EPB41L4A: variants seen among roughly 807,000 people sequenced by gnomAD.
The protein encoded by EPB41L4A is band 4.1-like protein 4A.
In EPB41L4A, 100 loss-of-function variants were observed where a neutral mutation model predicts 108.6. The ratio of observed to expected loss-of-function variants is 0.92; its 90% CI spans 0.78 to 1.09. EPB41L4A has a LOEUF of 1.09. EPB41L4A is among the 50% of genes least tolerant of loss of function. EPB41L4A has a pLI of 0.00. For missense variants in EPB41L4A, 1,030 were observed against 842.7 expected, an observed-to-expected ratio of 1.22 and a Z score of -2.75; for synonymous variants, 319 against 289.0, an observed-to-expected ratio of 1.10 and a Z score of -1.05.
At chr5:112,334,193 C>A (rs1267198259) in intron 1 of EPB41L4A, among the ~76,000 whole-genome samples, 1 of 152,154 alleles carries the variant, frequency 6.6e-6, no homozygotes, top group Non-Finnish European at 1.5e-5. Flanking sequence ...CAATTCCAAC[C>A]TGACTTTGGT....
At chr5:112,249,239 T>A (rs1304752659) in intron 9 of EPB41L4A, 1 of 152,212 alleles carries the variant, frequency 6.6e-6, no homozygotes, top group Non-Finnish European at 1.5e-5. Context: ...TTTGCTTTTT[T>A]CTTTCTATCC....
chr5:112,185,522 T>G (rs1005391157), intron 17 of EPB41L4A, among the ~76,000 whole-genome samples: 3 of 152,182 alleles, frequency 2.0e-5, no homozygotes, highest in Admixed American at 6.5e-5. Flanking sequence ...TAAAGAAGAA[T>G]TGTGCTAAGT....
chr5:112,154,951 T>A (rs1443634725), intron 12 of EPB41L4A, among the ~76,000 whole-genome samples: 4 of 152,150 alleles, frequency 2.6e-5, no homozygotes, highest in Non-Finnish European at 5.9e-5. Flanking sequence ...AATTTAAAAA[T>A]GTGCAGGAAA....
intron 1 of EPB41L4A, among the ~76,000 whole-genome samples, chr5:112,314,534 A>AAAAAAAAG (rs1755291445): frequency 9.0e-5 from 12 of 133,820 alleles, no homozygotes; most frequent in Admixed American, 3.0e-4. Context: ...AAAAAAAAAA[A>AAAAAAAAG]AAAAGAAAAG....
At chr5:112,302,769 A>G (rs979977988) in intron 2 of EPB41L4A, among the ~76,000 whole-genome samples, 9 of 152,144 alleles carry the variant, frequency 5.9e-5, no homozygotes, top group Non-Finnish European at 1.2e-4. Flanking sequence ...CAGTCTTTCA[A>G]TATAATTTAA....
In EPB41L4A at chr5:112,339,469, T is replaced by A. The variant is rs55910174; in HGVS notation, c.100-31979A>T. ...GGAGATATATAGCTATAGATATATA[T>A]ATATCTATATATATATATATATATA... On this transcript the variant is annotated intron_variant, in intron 1 of 22. Transcript: ENST00000261486. 2.3e-3 allele frequency among the ~76,000 whole-genome samples: 132 copies of A among 58,596 alleles called. 1 individual carries two copies. The highest frequency in any genetic ancestry group is 6.4e-3 in the African/African-American group (122 of 19,116). The allele number at this position is 58,596 out of a possible 152,430, so 38.4% of individuals were successfully genotyped here. A position where few individuals can be genotyped will look rare whatever the true frequency, so the allele number is the denominator to read the frequency against.
chr5:112,176,665 A>G (rs1385498229), intron 18 of EPB41L4A, among the ~76,000 whole-genome samples: 1 of 150,970 alleles, frequency 6.6e-6, no homozygotes, highest in Non-Finnish European at 1.5e-5. Flanking sequence ...TCTCACGTGG[A>G]CCACTGCAAA....
At chr5:112,293,747 G>A (rs1327041896) in intron 2 of EPB41L4A, among the ~76,000 whole-genome samples, 2 of 152,162 alleles carry the variant, frequency 1.3e-5, no homozygotes, top group Non-Finnish European at 2.9e-5. Context: ...AGCCGTTTGG[G>A]AGGCTCCCCT....
intron 12 of EPB41L4A, among the ~76,000 whole-genome samples, chr5:112,153,477 C>G (rs1189068918): frequency 6.7e-6 from 1 of 148,748 alleles, no homozygotes; most frequent in East Asian, 2.0e-4. Context: ...TGCAGTGAGC[C>G]AAGATAGCGC....
At chr5:112,410,219 A>G (rs1762328740) in intron 1 of EPB41L4A, among the ~76,000 whole-genome samples, 2 of 152,200 alleles carry the variant, frequency 1.3e-5, no homozygotes, top group Admixed American at 6.5e-5. Flanking sequence ...ATCTGGCTAG[A>G]GTATCAGACA....
intron 1 of EPB41L4A, among the ~76,000 whole-genome samples, chr5:112,382,675 G>A (rs779228676): frequency 1.3e-5 from 2 of 152,196 alleles, no homozygotes; most frequent in Non-Finnish European, 2.9e-5. Flanking sequence ...ACTGTCACTT[G>A]ATGTGGGAGG....
intron 22 of EPB41L4A, among the ~76,000 whole-genome samples, chr5:112,165,506 T>C (rs1343549964): frequency 1.3e-5 from 2 of 152,164 alleles, no homozygotes; most frequent in Non-Finnish European, 2.9e-5. Context: ...CAGTAGTCAA[T>C]GAATGGAACA....
chr5:112,301,539 T>C (rs1245398819), intron 2 of EPB41L4A, among the ~76,000 whole-genome samples: 3 of 152,162 alleles, frequency 2.0e-5, no homozygotes, highest in Non-Finnish European at 4.4e-5. Flanking sequence ...CAGCACAGTA[T>C]TTGCAGTGTC....
At chr5:112,227,902 C>T (rs1463280290) in intron 12 of EPB41L4A, among the ~76,000 whole-genome samples, 3 of 152,302 alleles carry the variant, frequency 2.0e-5, no homozygotes, top group East Asian at 3.9e-4. Flanking sequence ...GGTTAGCTAC[C>T]CTCAGGGGAA....
chr5:112,251,955 G>A (rs903022940), intron 9 of EPB41L4A, among the ~76,000 whole-genome samples: 1 of 152,158 alleles, frequency 6.6e-6, no homozygotes, highest in Non-Finnish European at 1.5e-5. Context: ...TGGTGCATGT[G>A]GATGAAAGGA....
chr5:112,231,139 A>G (rs944956992), intron 12 of EPB41L4A, among the ~76,000 whole-genome samples: 1 of 152,226 alleles, frequency 6.6e-6, no homozygotes, highest in African/African-American at 2.4e-5. Flanking sequence ...AAATTTTGAA[A>G]CAGCTTAAAT....
intron 9 of EPB41L4A, 148 bp downstream of exon 9, chr5:112,259,081 T>C: frequency 1.5e-6 from 1 of 650,972 alleles, no homozygotes; most frequent in South Asian, 1.9e-5. Context: ...TTCCCTTTCC[T>C]TCCTTGAGAA....
intron 1 of EPB41L4A, among the ~76,000 whole-genome samples, chr5:112,344,261 T>C (rs1223367452): frequency 6.6e-6 from 1 of 152,238 alleles, no homozygotes; most frequent in Admixed American, 6.5e-5. Context: ...TCACTAGTCA[T>C]ATTTCAAGTA....
chr5:112,264,914 C>T lies in EPB41L4A; in HGVS notation c.536G>A (p.Arg179Lys). ...TTCTTACATTAGAGTTTTATGAATCCTTTCTATGGCTTCTTCAAGTTCTTC... is the reference window on the plus strand; with the variant it reads ...TTCTTACATTAGAGTTTTATGAATCTTTTCTATGGCTTCTTCAAGTTCTTC... Reference protein sequence around the residue: ...QKEELEEAIERIHKTLMGQIP... With the variant: ...QKEELEEAIEKIHKTLMGQIP... The change falls in exon 6 of 23, where the codon AGG becomes AAG. Residue 179 changes from arginine to lysine, a missense_variant. Arg to Lys is a conservative substitution (Grantham distance 26). Transcript: ENST00000261486. The T allele has an allele frequency of 6.2e-7, 1 of 1,611,058 alleles. No homozygotes were observed. Among genetic ancestry groups the T allele is most frequent in the Non-Finnish European group, 8.5e-7 (1 of 1,178,950 alleles).
Sources: gnomAD v4.1 joint callset for allele counts (sites outside exome capture counted in the v4.1 genomes callset) on GRCh38, gnomAD v4.1.1 for gene constraint, MANE v1.5 for transcripts, NCBI Gene and HGNC (gene_info 2026-07-23, HGNC 2026-07-21) for gene names.